The following SDK1 variants were observed in gnomAD, a reference collection of about 807,000 sequenced individuals.
SDK1 encodes the protein protein sidekick-1.
A neutral mutation model predicts 245.5 loss-of-function variants in SDK1; 157 were observed. The observed-to-expected ratio is 0.64, with a 90% CI of 0.56 to 0.73. The LOEUF (loss-of-function observed/expected upper bound fraction) is 0.73. SDK1 is among the 30% of genes least tolerant of loss of function. The probability of loss-of-function intolerance (pLI) is 0.00; values close to 1 mark genes in which losing one functional copy is unlikely to be tolerated. For missense variants in SDK1, 3,583 were observed against 3,002.3 expected, an observed-to-expected ratio of 1.19 and a Z score of -4.52; for synonymous variants, 1,647 against 1,278.5, an observed-to-expected ratio of 1.29 and a Z score of -6.15.
At chr7:3,723,365 A>G (rs1241048910) in intron 4 of SDK1, among the ~76,000 whole-genome samples, 1 of 152,200 alleles carries the variant, frequency 6.6e-6, no homozygotes, top group Non-Finnish European at 1.5e-5. Flanking sequence ...CCTTTGAAAA[A>G]TACGGTATTT....
In SDK1 at chr7:4,074,886, GTATATATATATA is replaced by G. The variant is rs1240017364; in HGVS notation, c.3011-2092_3011-2081del. On this transcript the variant is annotated intron_variant, in intron 20 of 44. Coordinates refer to ENST00000404826, the MANE Select transcript of SDK1 (RefSeq NM_152744.4). The stretch of plus-strand genomic sequence containing the variant: ...TCTCTCTCTCTCTCTCTCTCTCTCT[GTATATATATATA>G]TATATATATATATATATATTTTTTT... Among the ~76,000 whole-genome samples the G allele has an allele frequency of 6.7e-4, 32 of 48,110 alleles. 1 individual carries two copies. Among genetic ancestry groups the G allele is most frequent in the African/African-American group, 5.0e-3 (32 of 6,338 alleles). The allele number at this position is 48,110 out of a possible 152,430, so 31.6% of individuals were successfully genotyped here.
chr7:3,301,778 C>T lies in SDK1; in HGVS notation c.192C>T (p.Gly64=). Residue 64 remains glycine (G), a synonymous_variant, in exon 1 of 45, where the codon GGC becomes GGT. Transcript: ENST00000404826. Reference sequence around the variant, plus strand: ...AGACCTCCGGCGGGGACACGGCGGGCGCGGGGCGGTGCGGCGGGCGGCGGG... The same window carrying T: ...AGACCTCCGGCGGGGACACGGCGGGTGCGGGGCGGTGCGGCGGGCGGCGGG... ...APETSGGDTA[G]AGRCGGRRAA... 1 of 997,528 alleles carries T rather than the reference C, an allele frequency of 1.0e-6. No homozygotes were observed. The highest frequency in any genetic ancestry group is 1.1e-4 in the East Asian group (1 of 9,354). 61.8% of individuals were successfully genotyped at this position (997,528 alleles called of 1,614,324 possible). A position where few individuals can be genotyped will look rare whatever the true frequency, so the allele number is the denominator to read the frequency against.
At chr7:3,650,941 A>G (rs1001059066) in intron 4 of SDK1, among the ~76,000 whole-genome samples, 4 of 151,170 alleles carry the variant, frequency 2.6e-5, no homozygotes, top group African/African-American at 9.7e-5. Context: ...CATAATGTGT[A>G]GTTTATAATC....
rs368001932 is a variant in SDK1, at chr7:3,950,844, G to C, written c.848-79G>C. The C allele has an allele frequency of 4.3e-3, 4,759 of 1,108,660 alleles. 76 individuals carry two copies. Among genetic ancestry groups the C allele is most frequent in the South Asian group, 0.032 (2,414 of 75,182 alleles). The allele number at this position is 1,108,660 out of a possible 1,614,324, so 68.7% of individuals were successfully genotyped here. On this transcript the variant is annotated intron_variant, in intron 5 of 44. Transcript: ENST00000404826. ...GTTTTAGGTATCCCCGGGGGTCTTGGAACGTGTCCCCTCAGATAACGGCGG... is the reference window on the plus strand; with the variant it reads ...GTTTTAGGTATCCCCGGGGGTCTTGCAACGTGTCCCCTCAGATAACGGCGG...
At chr7:3,522,148 A>T (rs558241087) in intron 1 of SDK1, among the ~76,000 whole-genome samples, 6 of 152,238 alleles carry the variant, frequency 3.9e-5, no homozygotes, top group Admixed American at 3.3e-4. Context: ...TTTATTGTAT[A>T]CAATAACTTT....
intron 5 of SDK1, among the ~76,000 whole-genome samples, chr7:3,925,558 C>T (rs887028887): frequency 1.3e-5 from 2 of 152,186 alleles, no homozygotes; most frequent in African/African-American, 4.8e-5. Flanking sequence ...GGATGCTTCT[C>T]CAGAGACGGC....
At chr7:3,420,318 T>G (rs1313313895) in intron 1 of SDK1, among the ~76,000 whole-genome samples, 2 of 152,246 alleles carry the variant, frequency 1.3e-5, no homozygotes, top group African/African-American at 4.8e-5. Context: ...GCATTTATTT[T>G]GCACAGTTTG....
chr7:3,491,215 C>A (rs1781854440), intron 1 of SDK1, among the ~76,000 whole-genome samples: 1 of 152,174 alleles, frequency 6.6e-6, no homozygotes, highest in African/African-American at 2.4e-5. Flanking sequence ...TCTAGGGTGT[C>A]TAGAATTGCT....
At chr7:3,588,933 T>G (rs2614966) in intron 1 of SDK1, among the ~76,000 whole-genome samples, 2 of 152,044 alleles carry the variant, frequency 1.3e-5, no homozygotes, top group Non-Finnish European at 1.5e-5. Flanking sequence ...AAAGTTGTTA[T>G]ATACTACAAA....
intron 19 of SDK1, among the ~76,000 whole-genome samples, chr7:4,065,393 T>TCG (rs1779808675): frequency 1.3e-5 from 2 of 152,110 alleles, no homozygotes; most frequent in Admixed American, 6.5e-5. Context: ...AGCTGAGACA[T>TCG]CGCCAGCTGA....
intron 4 of SDK1, among the ~76,000 whole-genome samples, chr7:3,760,459 T>A (rs1260313125): frequency 1.3e-5 from 2 of 152,262 alleles, no homozygotes; most frequent in Non-Finnish European, 2.9e-5. Flanking sequence ...AAAATGTATG[T>A]TATTATTGTT....
At chr7:3,411,211 A>T (rs886229665) in intron 1 of SDK1, among the ~76,000 whole-genome samples, 3 of 152,116 alleles carry the variant, frequency 2.0e-5, no homozygotes, top group African/African-American at 7.2e-5. Flanking sequence ...AGGAAGAATC[A>T]TGTAGTTTCT....
chr7:3,347,410 C>T (rs142152304), intron 1 of SDK1, among the ~76,000 whole-genome samples: 56 of 152,226 alleles, frequency 3.7e-4, no homozygotes, highest in Non-Finnish European at 7.3e-4. Flanking sequence ...GTTGGTCTTA[C>T]TATGCCTTTC....
chr7:3,670,346 A>G (rs372671680), intron 4 of SDK1, among the ~76,000 whole-genome samples: 2 of 152,200 alleles, frequency 1.3e-5, no homozygotes, highest in African/African-American at 4.8e-5. Flanking sequence ...ACGTCCAGCC[A>G]CAGCCACTTT....
At chr7:3,791,948 A>G (rs948031702) in intron 4 of SDK1, among the ~76,000 whole-genome samples, 4 of 151,646 alleles carry the variant, frequency 2.6e-5, no homozygotes, top group Non-Finnish European at 5.9e-5. Flanking sequence ...ACACAGGGAG[A>G]GTTTGTCTTT....
At chr7:3,849,084 C>G (rs1780354297) in intron 5 of SDK1, among the ~76,000 whole-genome samples, 1 of 152,214 alleles carries the variant, frequency 6.6e-6, no homozygotes, top group Admixed American at 6.5e-5. Context: ...CCCGTCCTTT[C>G]TCTGTTTAGA....
intron 1 of SDK1, among the ~76,000 whole-genome samples, chr7:3,328,389 G>C (rs1779986273): frequency 6.6e-6 from 1 of 152,018 alleles, no homozygotes; most frequent in African/African-American, 2.4e-5. Flanking sequence ...TGTAAATGAT[G>C]ATGATGATTT....
At chr7:4,033,836 A>T (rs957298434) in intron 17 of SDK1, among the ~76,000 whole-genome samples, 6 of 152,228 alleles carry the variant, frequency 3.9e-5, no homozygotes, top group Admixed American at 3.9e-4. Context: ...CATTGCTGCT[A>T]GGAATGCAAT....
At chr7:4,230,960 T>C (rs1785722404) in intron 40 of SDK1, among the ~76,000 whole-genome samples, 1 of 152,160 alleles carries the variant, frequency 6.6e-6, no homozygotes, top group African/African-American at 2.4e-5. Flanking sequence ...GCACAGGGTC[T>C]GATCAAAGAG....
Sources: gnomAD v4.1 joint callset for allele counts (sites outside exome capture counted in the v4.1 genomes callset) on GRCh38, gnomAD v4.1.1 for gene constraint, MANE v1.5 for transcripts, NCBI Gene and HGNC (gene_info 2026-07-23, HGNC 2026-07-21) for gene names.